Variants in TAF7L observed in about 807,000 individuals in gnomAD.
TAF7L encodes TATA-box binding protein associated factor 7 like, also known as transcription initiation factor TFIID subunit 7-like.
A neutral mutation model predicts 30.2 loss-of-function variants in TAF7L; 6 were observed. That is an observed-to-expected ratio of 0.20 (90% CI 0.11 to 0.39). TAF7L has a LOEUF of 0.39. TAF7L is among the 10% of genes least tolerant of loss of function. The pLI, the probability that TAF7L is intolerant of heterozygous loss-of-function variation, is 1.00. For synonymous variants in TAF7L, 93 were observed against 94.5 expected (o/e 0.98, Z 0.09); for missense variants, 284 against 277.1 (o/e 1.03, Z -0.18).
intron 9 of TAF7L, 93 bp from the exon 10 acceptor site, chrX:101,276,621 G>A: frequency 1.1e-6 from 1 of 920,107 alleles, no homozygotes; most frequent in African/African-American, 2.0e-5. Flanking sequence ...ACATTCCCCA[G>A]GCAACCAGTG....
At chrX:101,275,784 C>T (rs1924143851) in intron 11 of TAF7L, among the ~76,000 whole-genome samples, 1 of 111,495 alleles carries the variant, frequency 9.0e-6, no homozygotes, top group African/African-American at 3.3e-5. Context: ...ATTTTTATCT[C>T]ATATCACCTA....
chrX:101,287,754 G>A (rs1271161751), intron 1 of TAF7L: 1 of 316,080 alleles, frequency 3.2e-6, no homozygotes, highest in Non-Finnish European at 5.6e-6. Flanking sequence ...TCCAATATGT[G>A]TAGATTTTCC....
intron 3 of TAF7L, among the ~76,000 whole-genome samples, chrX:101,285,352 G>A (rs1165589386): frequency 5.5e-5 from 6 of 109,214 alleles, no homozygotes; most frequent in African/African-American, 2.0e-4. Flanking sequence ...AAAAAAATTA[G>A]CCAGGTGTGG....
intron 12 of TAF7L, among the ~76,000 whole-genome samples, chrX:101,270,582 T>C (rs1449912281): frequency 9.0e-6 from 1 of 111,316 alleles, no homozygotes; most frequent in African/African-American, 3.3e-5. Flanking sequence ...CTCTCCAATT[T>C]CCCATTTTCA....
chrX:101,287,835 C>T (rs188030897), intron 1 of TAF7L: 94 of 211,702 alleles, frequency 4.4e-4, no homozygotes, highest in Non-Finnish European at 6.8e-5. Flanking sequence ...AACATGATTT[C>T]GTCTTCTTAA....
chrX:101,290,567 C>G (rs1405939468), intron 1 of TAF7L, among the ~76,000 whole-genome samples: 1 of 111,833 alleles, frequency 8.9e-6, no homozygotes, highest in Non-Finnish European at 1.9e-5. Context: ...ATTTCCAAGC[C>G]TTTTTGGTAA....
Position 101,277,620 on chromosome X carries a change from C to A in TAF7L, c.677G>T (p.Gly226Val). The A allele has an allele frequency of 1.7e-6, 2 of 1,191,176 alleles. No individual in the cohort carries two copies. The highest frequency in any genetic ancestry group is 2.3e-5 in the Admixed American group (1 of 43,051). Reference sequence around the variant, plus strand: ...TACTAAAGTACCTGACGAGGTATGACCCTGCTTGTGGCTGCTCATTCCCGA... The same window carrying A: ...TACTAAAGTACCTGACGAGGTATGAACCTGCTTGTGGCTGCTCATTCCCGA... ...ISSGMSSHKQ[G>V]HTSSEYDMLR... The change falls in exon 9 of 13, where the codon GGT becomes GTT. Residue 226 changes from glycine to valine, a missense_variant. Gly to Val is a moderately radical substitution (Grantham distance 109). Transcript: ENST00000356784.
intron 12 of TAF7L, among the ~76,000 whole-genome samples, chrX:101,273,587 T>TAA (rs373591733): frequency 2.9e-5 from 3 of 104,440 alleles, no homozygotes; most frequent in Non-Finnish European, 4.0e-5. Flanking sequence ...AGACTCCATT[T>TAA]AAAAAAAAAA....
intron 2 of TAF7L, 35 bp from the exon 3 acceptor site, chrX:101,286,688 T>A: frequency 9.4e-7 from 1 of 1,063,819 alleles, no homozygotes; most frequent in Non-Finnish European, 1.3e-6. Context: ...TCAGAAGAAC[T>A]AAACATCTAC....
rs1406891358 is a variant in TAF7L, at chrX:101,279,007, C to T, written c.491G>A (p.Ser164Asn). ...TGATTGCTCTACCTCAGTAAAGCTG[C>T]TTTTTTCCATTTCTTTGACATCAGG... ...KVPDVKEMEK[S>N]SFTEYIESPD... The change falls in exon 7 of 13, where the codon AGC becomes AAC. Residue 164 changes from serine to asparagine, a missense_variant. Physicochemically the swap from Ser to Asn is conservative, Grantham distance 46 (BLOSUM62 1). Transcript: ENST00000356784. 2 of 1,205,903 alleles carry T rather than the reference C, an allele frequency of 1.7e-6. No homozygotes were observed. Among genetic ancestry groups the T allele is most frequent in the African/African-American group, 1.7e-5 (1 of 57,643 alleles).
At chrX:101,283,154 C>A (rs1924474880) in intron 4 of TAF7L, among the ~76,000 whole-genome samples, 1 of 112,299 alleles carries the variant, frequency 8.9e-6, no homozygotes, top group African/African-American at 3.2e-5. Context: ...TAACAACATA[C>A]TGTTTTAATA....
chrX:101,276,358 C>T lies in TAF7L; in HGVS notation c.862G>A (p.Glu288Lys), dbSNP rs778200973. The T allele has an allele frequency of 8.4e-5, 102 of 1,208,958 alleles. No homozygotes were observed. The highest frequency in any genetic ancestry group is 1.1e-4 in the Non-Finnish European group (99 of 895,062). Residue 288 changes from glutamate to lysine, a missense_variant, in exon 10 of 13, where the codon GAG (glutamate) becomes AAG (lysine). Glu to Lys is a moderately conservative substitution (Grantham distance 56). Transcript: ENST00000356784. ...EEYLERQLQA[E>K]FIESGQYRAN... ...CTATACTGGCCAGATTCAATAAACT[C>T]GGCCTGCAGCTGCCTTTCCAGATAC... is the stretch of plus-strand genomic sequence containing the variant.
At chrX:101,273,414 C>T (rs981301370) in intron 12 of TAF7L, among the ~76,000 whole-genome samples, 11 of 110,121 alleles carry the variant, frequency 1.0e-4, no homozygotes, top group African/African-American at 3.3e-4. Flanking sequence ...ACGGTGAAAC[C>T]CTGTCTCTAC....
chrX:101,289,852 G>T, intron 1 of TAF7L, among the ~76,000 whole-genome samples: 1 of 108,830 alleles, frequency 9.2e-6, no homozygotes, highest in Middle Eastern at 4.7e-3. Context: ...GCCTCCCAAA[G>T]TGTTGGGATT....
At chrX:101,291,928 G>C, upstream of TAF7L, among the ~76,000 whole-genome samples, 1 of 102,788 alleles carries the variant, frequency 9.7e-6, no homozygotes, top group Admixed American at 1.1e-4. Context: ...TTTACCAGGG[G>C]ACAGTGATAC....
In TAF7L at chrX:101,282,342, C is replaced by T. The variant is rs1325808506; in HGVS notation, c.391G>A (p.Val131Ile). The T allele has an allele frequency of 5.8e-6, 7 of 1,209,516 alleles. No homozygotes were observed. The highest frequency in any genetic ancestry group is 6.7e-6 in the Non-Finnish European group (6 of 895,062). Residue 131 changes from valine to isoleucine, a missense_variant, in exon 5 of 13, where the codon GTC becomes ATC. Physicochemically the swap from Val to Ile is conservative, Grantham distance 29. Transcript: ENST00000356784. ...GGTGACTTACTGCCATGCTTCCAGA[C>T]ACATTTTTCTTCTCTCCCCCTTTCT... ...KKERGREEKC[V>I]WKHGITPPLK...
Position 101,282,993 on chromosome X carries a change from C to T in TAF7L, c.279+457G>A, listed in dbSNP as rs183868551. Reference sequence around the variant, plus strand: ...CCCAGGTTGGTCTCAAACTCCTGGGCTCAGGTGATCCTCCCACCTCAGCCT... The same window carrying T: ...CCCAGGTTGGTCTCAAACTCCTGGGTTCAGGTGATCCTCCCACCTCAGCCT... On this transcript the variant is annotated intron_variant, in intron 4 of 12. Coordinates refer to ENST00000356784, the MANE Select transcript of TAF7L (RefSeq NM_001168474.2). 3.6e-3 allele frequency among the ~76,000 whole-genome samples: 397 copies of T among 111,251 alleles called. 2 individuals carry two copies. Among genetic ancestry groups the T allele is most frequent in the Middle Eastern group, 0.014 (3 of 217 alleles).
chrX:101,279,828 A>G (rs1426865485), intron 6 of TAF7L, among the ~76,000 whole-genome samples: 1 of 111,132 alleles, frequency 9.0e-6, no homozygotes, highest in African/African-American at 3.3e-5. Flanking sequence ...ACCAAGCCCA[A>G]CTGATATTTC....
intron 1 of TAF7L, 166 bp from the exon 2 acceptor site, chrX:101,287,711 C>A (rs1343589774): frequency 1.4e-4 from 53 of 374,490 alleles, no homozygotes; most frequent in Non-Finnish European, 4.2e-5. Flanking sequence ...TTTGACATAA[C>A]TTAATTATTT....
Sources: gnomAD v4.1 joint callset for allele counts (sites outside exome capture counted in the v4.1 genomes callset) on GRCh38, gnomAD v4.1.1 for gene constraint, MANE v1.5 for transcripts, NCBI Gene and HGNC (gene_info 2026-07-23, HGNC 2026-07-21) for gene names.